Variants in PARP4 observed in about 807,000 individuals in gnomAD.
PARP4 encodes the protein poly(ADP-ribose) polymerase family member 4, also known as protein mono-ADP-ribosyltransferase PARP4.
PARP4 carries 120 observed loss-of-function variants against 187.7 expected under a neutral mutation model. That is an observed-to-expected ratio of 0.64 (90% confidence interval 0.55 to 0.74). The LOEUF is 0.74. Ranked by LOEUF, PARP4 falls within the 30% of genes least tolerant of loss-of-function variation. The probability of loss-of-function intolerance (pLI) is 0.00; values close to 1 mark genes in which losing one functional copy is unlikely to be tolerated. For synonymous variants in PARP4, 654 were observed against 740.9 expected, an observed-to-expected ratio of 0.88 and a Z score of 1.90; for missense variants, 1,836 against 2,070.5, an observed-to-expected ratio of 0.89 and a Z score of 2.20.
intron 3 of PARP4, among the ~76,000 whole-genome samples, chr13:24,501,103 T>A (rs1189878332): frequency 6.6e-6 from 1 of 152,246 alleles, no homozygotes; most frequent in Non-Finnish European, 1.5e-5. Context: ...ATCTAACACA[T>A]ACCGTGTGCT....
intron 17 of PARP4, among the ~76,000 whole-genome samples, chr13:24,465,305 T>C (rs559632101): frequency 6.6e-6 from 1 of 152,320 alleles, no homozygotes; most frequent in African/African-American, 2.4e-5. Flanking sequence ...CCCAAAGGAA[T>C]ATAAATCATT....
intron 7 of PARP4, 67 bp downstream of exon 7, chr13:24,494,506 G>A: frequency 7.1e-7 from 1 of 1,398,958 alleles, no homozygotes; most frequent in Non-Finnish European, 9.9e-7. Context: ...TCTTTTATTT[G>A]TAATAGAGAA....
intron 23 of PARP4, among the ~76,000 whole-genome samples, 183 bp downstream of exon 23, chr13:24,453,404 T>C (rs1174164642): frequency 6.6e-6 from 1 of 152,184 alleles, no homozygotes; most frequent in East Asian, 1.9e-4. Context: ...TCTATTCTTT[T>C]TAATTTCCAA....
At chr13:24,490,405 A>G (rs1395642159) in intron 10 of PARP4, among the ~76,000 whole-genome samples, 1 of 150,530 alleles carries the variant, frequency 6.6e-6, no homozygotes, top group Non-Finnish European at 1.5e-5. Flanking sequence ...TACAAACTCA[A>G]ACACGTTTTA....
At chr13:24,429,904 G>C (rs112406357) in intron 32 of PARP4, among the ~76,000 whole-genome samples, 2,510 of 152,256 alleles carry the variant, frequency 0.016, 79 homozygotes, top group African/African-American at 0.056. Flanking sequence ...ATCCCGTTAA[G>C]ACTTTCTGTT....
intron 9 of PARP4, among the ~76,000 whole-genome samples, chr13:24,491,982 C>T (rs925651597): frequency 2.6e-5 from 4 of 152,188 alleles, no homozygotes; most frequent in African/African-American, 9.6e-5. Context: ...ACAGGAAGTA[C>T]AGAGGGACGG....
rs373706671 is a variant in PARP4, at chr13:24,436,203, A to C, written c.3667-729T>G. ...GGTGTACTTAGGCCTAAAATAAGAC[A>C]GTCATTTGAAGTCAATTATTGCAGT... On this transcript the variant is annotated intron_variant, in intron 30 of 33. Transcript: ENST00000381989. Among the ~76,000 whole-genome samples the C allele has an allele frequency of 2.3e-4, 35 of 152,382 alleles. No homozygotes were observed. In the South Asian group the frequency reaches 6.2e-3, roughly 27 times the overall value.
At chr13:24,490,410 G>T (rs578202490) in intron 10 of PARP4, among the ~76,000 whole-genome samples, 2 of 149,572 alleles carry the variant, frequency 1.3e-5, no homozygotes, top group Non-Finnish European at 3.0e-5. Flanking sequence ...ACTCAAACAC[G>T]TTTTAAAATT....
intron 6 of PARP4, 88 bp downstream of exon 6, chr13:24,498,028 G>A (rs533857804): frequency 2.3e-6 from 2 of 860,796 alleles, no homozygotes; most frequent in Middle Eastern, 2.2e-4. Flanking sequence ...CAGGTAAGAA[G>A]AAAAAGGTTG....
intron 12 of PARP4, among the ~76,000 whole-genome samples, chr13:24,479,068 T>C (rs763413939): frequency 1.3e-5 from 2 of 152,214 alleles, no homozygotes; most frequent in Middle Eastern, 3.2e-3. Context: ...TTTCAAATTA[T>C]ATCCAAATGA....
chr13:24,476,126 T>C (rs1235690761), intron 14 of PARP4, among the ~76,000 whole-genome samples: 1 of 151,378 alleles, frequency 6.6e-6, no homozygotes, highest in Non-Finnish European at 1.5e-5. Context: ...TCAGCTTAAA[T>C]TTTTTTTTCT....
intron 4 of PARP4, among the ~76,000 whole-genome samples, chr13:24,500,046 T>A (rs964125834): frequency 8.1e-5 from 12 of 148,912 alleles, no homozygotes; most frequent in Non-Finnish European, 1.8e-4. Context: ...AGGTTTTTTT[T>A]TAAAAGAATT....
intron 9 of PARP4, 90 bp from the exon 10 acceptor site, chr13:24,490,918 A>T: frequency 8.3e-7 from 1 of 1,202,532 alleles, no homozygotes; most frequent in Non-Finnish European, 1.2e-6. Context: ...AAAAGATAGG[A>T]AAAGTCCATT....
chr13:24,423,746 C>A (rs898550446), intron 33 of PARP4, among the ~76,000 whole-genome samples: 6 of 151,844 alleles, frequency 4.0e-5, no homozygotes, highest in African/African-American at 1.5e-4. Context: ...GGCACGATCA[C>A]AACTCACTGC....
At chr13:24,449,361 C>G (rs563690714) in intron 25 of PARP4, among the ~76,000 whole-genome samples, 1 of 138,630 alleles carries the variant, frequency 7.2e-6, no homozygotes, top group South Asian at 2.3e-4. Context: ...GCACTCCAGC[C>G]TGGGCGACAG....
intron 31 of PARP4, among the ~76,000 whole-genome samples, 182 bp from the exon 32 acceptor site, chr13:24,431,658 T>G (rs1251729395): frequency 6.6e-6 from 1 of 152,222 alleles, no homozygotes; most frequent in Non-Finnish European, 1.5e-5. Flanking sequence ...AACCTGTACG[T>G]GTACCTCTGC....
At chr13:24,473,954 T>C (rs1042191448) in intron 15 of PARP4, among the ~76,000 whole-genome samples, 2 of 152,140 alleles carry the variant, frequency 1.3e-5, no homozygotes, top group African/African-American at 4.8e-5. Flanking sequence ...GGGTGTTTAA[T>C]CTGGGCTCAT....
intron 24 of PARP4, among the ~76,000 whole-genome samples, 181 bp from the exon 25 acceptor site, chr13:24,449,998 G>C (rs555193899): frequency 5.3e-5 from 8 of 152,184 alleles, no homozygotes; most frequent in Admixed American, 2.6e-4. Context: ...TGAAAGTTTG[G>C]CTAATTTAAG....
intron 24 of PARP4, among the ~76,000 whole-genome samples, chr13:24,451,033 GC>G (rs1871490068): frequency 2.6e-5 from 4 of 152,164 alleles, no homozygotes; most frequent in Admixed American, 2.6e-4. Flanking sequence ...GAGCCTCTGA[GC>G]CTGACCTCAT....
Sources: gnomAD v4.1 joint callset for allele counts (sites outside exome capture counted in the v4.1 genomes callset) on GRCh38, gnomAD v4.1.1 for gene constraint, MANE v1.5 for transcripts, NCBI Gene and HGNC (gene_info 2026-07-23, HGNC 2026-07-21) for gene names.